PRRT1: variants seen among roughly 807,000 people sequenced by gnomAD.
The protein encoded by PRRT1 is proline-rich transmembrane protein 1.
PRRT1 carries 8 observed loss-of-function variants against 22.6 expected under a neutral mutation model. The ratio of observed to expected loss-of-function variants is 0.35; its 90% CI spans 0.21 to 0.64. PRRT1 has a LOEUF of 0.64. Among genes scored for constraint, PRRT1 ranks in the 30% least tolerant of loss-of-function variants. The probability of loss-of-function intolerance (pLI) is 0.69; values close to 1 mark genes in which losing one functional copy is unlikely to be tolerated. For missense variants in PRRT1, 315 were observed against 444.5 expected, an observed-to-expected ratio of 0.71 and a Z score of 2.62; for synonymous variants, 176 against 203.6, an observed-to-expected ratio of 0.86 and a Z score of 1.15.
At chr6:32,151,984 A>AGGGGGGGGGGG, upstream of PRRT1, 3 of 76,804 alleles carry the variant, frequency 3.9e-5, no homozygotes, top group South Asian at 5.2e-5. Flanking sequence ...GGGCGGAGGG[A>AGGGGGGGGGGG]GAGCGGGGAG....
At position 32,150,956 on chromosome 6, in the gene PRRT1, T is replaced by G. The variant is rs1194139453; in HGVS notation, c.20-50A>C. The G allele has an allele frequency of 6.9e-7, 1 of 1,453,336 alleles. No individual in the cohort carries two copies. The highest frequency in any genetic ancestry group is 9.4e-7 in the Non-Finnish European group (1 of 1,067,042). 90.0% of individuals were successfully genotyped at this position (1,453,336 alleles called of 1,614,324 possible). On this transcript the variant is annotated intron_variant, in intron 1 of 3. Transcript: ENST00000211413. This position sits in a 1 kb window ranked among gnomAD's most constrained non-coding sequence, Gnocchi z 7.2. ...TATAAGAGGAAAGATGACACAGTGA[T>G]GAGTTGAGGAGGGGGTAAGGGGAAA...
At position 32,149,739 on chromosome 6, in the gene PRRT1, G is replaced by T; in HGVS notation, c.559-17C>A. On this transcript the variant is annotated splice_polypyrimidine_tract_variant and intron_variant, in intron 2 of 3. Transcript: ENST00000211413. This position sits in a 1 kb window ranked among gnomAD's most constrained non-coding sequence, Gnocchi z 8.7. ...TGCATATGGCTGTGGAAGGAAATTT[G>T]GGGGGCAGGGGCATCACTCTGACCC... The T allele has an allele frequency of 6.6e-7, 1 of 1,516,342 alleles. No homozygotes were observed. The highest frequency in any genetic ancestry group is 8.9e-7 in the Non-Finnish European group (1 of 1,128,158). The allele number at this position is 1,516,342 out of a possible 1,614,324, so 93.9% of individuals were successfully genotyped here.
At position 32,151,862 on chromosome 6, in the gene PRRT1, C is replaced by T. The variant is rs747198448; in HGVS notation, c.-35G>A. The T allele has an allele frequency of 1.2e-6, 2 of 1,605,962 alleles. No homozygotes were observed. The highest frequency in any genetic ancestry group is 1.4e-5 in the African/African-American group (1 of 73,800). Reference sequence around the variant, plus strand: ...CTCGCTGGGACAGGGTCCCTGCAGCCGGAGTGGGGGTCCTCGGCCGGTGCT... The same window carrying T: ...CTCGCTGGGACAGGGTCCCTGCAGCTGGAGTGGGGGTCCTCGGCCGGTGCT... On this transcript the variant is annotated 5_prime_UTR_variant, in exon 1 of 4. Coordinates refer to ENST00000211413, the MANE Select transcript of PRRT1 (RefSeq NM_030651.4).
At chr6:32,152,348 T>C (rs779337296), upstream of PRRT1, among the ~76,000 whole-genome samples, 1 of 152,130 alleles carries the variant, frequency 6.6e-6, no homozygotes, top group African/African-American at 2.4e-5. Flanking sequence ...TTCTCCCAAA[T>C]CCTTGGCCCC....
Position 32,149,910 on chromosome 6 carries a change from A to C in PRRT1, c.559-188T>G. 1.7e-6 allele frequency: 1 copy of C among 578,902 alleles called. No individual in the cohort carries two copies. Among genetic ancestry groups the C allele is most frequent in the Non-Finnish European group, 3.0e-6 (1 of 328,492 alleles). 35.9% of individuals were successfully genotyped at this position (578,902 alleles called of 1,614,324 possible). A position where few individuals can be genotyped will look rare whatever the true frequency, so the allele number is the denominator to read the frequency against. ...GCCCCTCTCCTCCCTTCCTTGCTTC[A>C]TTAACCACCATATTCTTGGGCTTTC... is the stretch of plus-strand genomic sequence containing the variant. On this transcript the variant is annotated intron_variant, in intron 2 of 3. Coordinates refer to ENST00000211413, the MANE Select transcript of PRRT1 (RefSeq NM_030651.4). This position sits in a 1 kb window ranked among gnomAD's most constrained non-coding sequence, Gnocchi z 8.7.
Position 32,149,164 on chromosome 6 carries a change from C to T in PRRT1, c.*58G>A. ...GGCGCCCATTGGGTCCGCGGTATGA[C>T]TGCAGAAAGAGCCTGGGAGATCGAG... is the stretch of plus-strand genomic sequence containing the variant. On this transcript the variant is annotated 3_prime_UTR_variant, in exon 4 of 4. Coordinates refer to ENST00000211413, the MANE Select transcript of PRRT1 (RefSeq NM_030651.4). This position sits in a 1 kb window ranked among gnomAD's most constrained non-coding sequence, Gnocchi z 8.7. 6.3e-7 allele frequency: 1 copy of T among 1,580,434 alleles called. No homozygotes were observed. Among genetic ancestry groups the T allele is most frequent in the Non-Finnish European group, 8.6e-7 (1 of 1,158,256 alleles).
rs1413603871 is a variant in PRRT1 at position 32,149,740 on chromosome 6, G to A, written c.559-18C>T. 5.9e-6 allele frequency: 9 copies of A among 1,517,008 alleles called. No individual in the cohort carries two copies. Among genetic ancestry groups the A allele is most frequent in the African/African-American group, 1.4e-5 (1 of 72,812 alleles). 94.0% of individuals were successfully genotyped at this position (1,517,008 alleles called of 1,614,324 possible). ...GCATATGGCTGTGGAAGGAAATTTG[G>A]GGGGCAGGGGCATCACTCTGACCCT... On this transcript the variant is annotated intron_variant, in intron 2 of 3. Transcript: ENST00000211413. The surrounding 1 kb of genome is among the most constrained non-coding windows in gnomAD (Gnocchi z 8.7).
upstream of PRRT1, chr6:32,152,899 G>GTT (rs9281659): frequency 9.1e-4 from 130 of 143,560 alleles, no homozygotes; most frequent in African/African-American, 1.3e-3. Context: ...ATTTACACCA[G>GTT]TTTTTTTTTT....
upstream of PRRT1, among the ~76,000 whole-genome samples, chr6:32,152,374 A>C (rs980982801): frequency 1.3e-5 from 2 of 152,092 alleles, no homozygotes; most frequent in Admixed American, 6.6e-5. Context: ...CCTCCTCTTT[A>C]GAAGAGATAA....
At position 32,149,845 on chromosome 6, in the gene PRRT1, C is replaced by G. The variant is rs915864850; in HGVS notation, c.559-123G>C. On this transcript the variant is annotated intron_variant, in intron 2 of 3. Coordinates refer to ENST00000211413, the MANE Select transcript of PRRT1 (RefSeq NM_030651.4). The surrounding 1 kb of genome is among the most constrained non-coding windows in gnomAD (Gnocchi z 8.7). ...TTACCTATGGCTTCTCAAAATAAAG[C>G]ACCCATTACCCTTCCAGGACACCCA... The G allele has an allele frequency of 1.1e-4, 70 of 629,398 alleles. No homozygotes were observed. Among genetic ancestry groups the G allele is most frequent in the African/African-American group, 9.7e-4 (53 of 54,380 alleles). The allele number at this position is 629,398 out of a possible 1,614,324, so 39.0% of individuals were successfully genotyped here.
upstream of PRRT1, chr6:32,151,973 C>CG: frequency 3.6e-5 from 3 of 84,018 alleles, no homozygotes; most frequent in East Asian, 4.4e-4. Context: ...GCGGGGGGGG[C>CG]GGGCGGAGGG....
At chr6:32,151,785 G>C in intron 1 of PRRT1, 24 bp downstream of exon 1, 2 of 1,588,644 alleles carry the variant, frequency 1.3e-6, no homozygotes, top group Non-Finnish European at 1.7e-6. Context: ...TGGAGGGGGT[G>C]GGAGGTTTTG....
chr6:32,151,183 C>T (rs1358451477), intron 1 of PRRT1: 1 of 673,740 alleles, frequency 1.5e-6, no homozygotes, highest in Non-Finnish European at 2.7e-6. Context: ...ACCCAGCTCT[C>T]ACCTGCAGAC....
upstream of PRRT1, chr6:32,152,281 G>A (rs1783369994): frequency 2.3e-6 from 1 of 430,312 alleles, no homozygotes; most frequent in Non-Finnish European, 4.6e-6. Context: ...TAATAACCCA[G>A]GTGCCTCCAG....
rs978080403 is a variant in PRRT1, at chr6:32,148,717, C to T, written c.*505G>A. On this transcript the variant is annotated 3_prime_UTR_variant, in exon 4 of 4. Coordinates refer to ENST00000211413, the MANE Select transcript of PRRT1 (RefSeq NM_030651.4). This position sits in a 1 kb window ranked among gnomAD's most constrained non-coding sequence, Gnocchi z 5.7. ...AACAGGAGTGTGGGGGCCTTACTAC[C>T]CCAGGGCTCGGTCCTTTTGCCGGAA... The T allele has an allele frequency of 8.9e-6, 4 of 451,498 alleles. No individual in the cohort carries two copies. The highest frequency in any genetic ancestry group is 8.0e-5 in the African/African-American group (4 of 49,944). The allele number at this position is 451,498 out of a possible 1,614,324, so 28.0% of individuals were successfully genotyped here.
rs1306175607 is a variant in PRRT1 at position 32,148,608 on chromosome 6, A to G, written c.*614T>C. 8.5e-6 allele frequency: 3 copies of G among 353,940 alleles called. No individual in the cohort carries two copies. Among genetic ancestry groups the G allele is most frequent in the African/African-American group, 4.3e-5 (2 of 46,712 alleles). The allele number at this position is 353,940 out of a possible 1,614,324, so 21.9% of individuals were successfully genotyped here. A position where few individuals can be genotyped will look rare whatever the true frequency, so the allele number is the denominator to read the frequency against. On this transcript the variant is annotated 3_prime_UTR_variant, in exon 4 of 4. Transcript: ENST00000211413. The surrounding 1 kb of genome is among the most constrained non-coding windows in gnomAD (Gnocchi z 5.7). The stretch of plus-strand genomic sequence containing the variant: ...CCAGGAACTTCCCAAATGTCCTTAA[A>G]AAAAGCAAAAGGAAAGGTTCTGGGA...
Position 32,150,797 on chromosome 6 carries a change from G to GTGA in PRRT1, c.126_128dup (p.His47dup), listed in dbSNP as rs1022819450. ...CAGACTGATGGTAGTGGTGGTGGTGGTGATGGTGTGAGGAAGGGGCTGCCT... is the reference window on the plus strand; with the variant it reads ...CAGACTGATGGTAGTGGTGGTGGTGGTGATGATGGTGTGAGGAAGGGGCTGCCT... On this transcript the variant is annotated inframe_insertion, in exon 2 of 4. Transcript: ENST00000211413. This position sits in a 1 kb window ranked among gnomAD's most constrained non-coding sequence, Gnocchi z 7.2. 2 of 1,567,658 alleles carry GTGA rather than the reference G, an allele frequency of 1.3e-6. No homozygotes were observed. Among genetic ancestry groups the GTGA allele is most frequent in the African/African-American group, 2.7e-5 (2 of 74,594 alleles).
Position 32,150,523 on chromosome 6 carries a change from G to A in PRRT1, c.403C>T (p.Pro135Ser). Reference protein sequence around the residue: ...PPPAAAAPPPPAPAQTAQAPG... With the variant: ...PPPAAAAPPPSAPAQTAQAPG... ...GCCTGGGCAGTCTGGGCTGGCGCCG[G>A]CGGGGGCGGGGCGGCGGCAGCGGGC... The change falls in exon 2 of 4, where the codon CCG (proline) becomes TCG (serine). Residue 135 changes from proline (P) to serine (S), a missense_variant. Transcript: ENST00000211413. The surrounding 1 kb of genome is among the most constrained non-coding windows in gnomAD (Gnocchi z 7.2). The A allele has an allele frequency of 7.2e-7, 1 of 1,379,890 alleles. No homozygotes were observed. Among genetic ancestry groups the A allele is most frequent in the Non-Finnish European group, 9.4e-7 (1 of 1,069,212 alleles). 85.5% of individuals were successfully genotyped at this position (1,379,890 alleles called of 1,614,324 possible).
chr6:32,149,717 A>G lies in PRRT1; in HGVS notation c.564T>C (p.Tyr188=). The G allele has an allele frequency of 1.3e-6, 2 of 1,571,940 alleles. No individual in the cohort carries two copies. The highest frequency in any genetic ancestry group is 1.7e-6 in the Non-Finnish European group (2 of 1,159,006). The part of the protein sequence containing the change: ...YVPVYPVGTP[Y]AGGTPGGTGV... Reference sequence around the variant, plus strand: ...CTGTTCCCCCCGGGGTCCCGCCTGCATATGGCTGTGGAAGGAAATTTGGGG... The same window carrying G: ...CTGTTCCCCCCGGGGTCCCGCCTGCGTATGGCTGTGGAAGGAAATTTGGGG... Residue 188 remains tyrosine (Y), a synonymous_variant, in exon 3 of 4, where the codon TAT becomes TAC. Coordinates refer to ENST00000211413, the MANE Select transcript of PRRT1 (RefSeq NM_030651.4). The surrounding 1 kb of genome is among the most constrained non-coding windows in gnomAD (Gnocchi z 8.7).
Sources: allele counts gnomAD v4.1 joint callset (sites outside exome capture counted in the v4.1 genomes callset), GRCh38; gene constraint gnomAD v4.1.1; non-coding constraint Gnocchi (gnomAD v3.1); transcripts MANE v1.5; gene names NCBI Gene and HGNC (gene_info 2026-07-23, HGNC 2026-07-21).